NCAPG: variants seen among roughly 807,000 people sequenced by gnomAD.
The protein encoded by NCAPG is condensin complex subunit 3.
Under a neutral mutation model 113.1 loss-of-function variants are expected in NCAPG, and 69 were observed. That is an observed-to-expected ratio of 0.61 (90% CI 0.50 to 0.75). The LOEUF (loss-of-function observed/expected upper bound fraction) is 0.75, where lower values mean the gene tolerates loss of function less well. Among genes scored for constraint, NCAPG ranks in the 30% least tolerant of loss-of-function variants. NCAPG has a pLI of 0.00. For synonymous variants in NCAPG, 370 were observed against 415.8 expected (o/e 0.89, Z 1.34); for missense variants, 1,058 against 1,177.0 (o/e 0.90, Z 1.48).
At chr4:17,836,663 T>C (rs1722109768) in intron 14 of NCAPG, among the ~76,000 whole-genome samples, 1 of 152,156 alleles carries the variant, frequency 6.6e-6, no homozygotes, top group Non-Finnish European at 1.5e-5. Flanking sequence ...AGTTGTCTTT[T>C]CCTTTGTCTT....
chr4:17,837,784 A>C lies in NCAPG; in HGVS notation c.2449A>C (p.Thr817Pro). 6.2e-7 allele frequency: 1 copy of C among 1,613,864 alleles called. No homozygotes were observed. Among genetic ancestry groups the C allele is most frequent in the African/African-American group, 1.3e-5 (1 of 75,038 alleles). The change falls in exon 16 of 21, where the codon ACT becomes CCT. Residue 817 changes from threonine (T) to proline (P), a missense_variant. Transcript: ENST00000251496. ...AAGTGGATTAAATCCTCAGGCCAAG[A>C]CTTCCCAAGATTATCAGGTGAGTGA... ...RPSGLNPQAKTSQDYQALTVH... is the reference protein window; with the variant it reads ...RPSGLNPQAKPSQDYQALTVH...
chr4:17,815,653 C>T (rs1482214977), intron 5 of NCAPG, among the ~76,000 whole-genome samples: 4 of 152,064 alleles, frequency 2.6e-5, no homozygotes, highest in Non-Finnish European at 4.4e-5. Flanking sequence ...GCCTCCTGAG[C>T]AGCTGGGATT....
chr4:17,817,116 A>AAT (rs530778761), intron 5 of NCAPG, 145 bp from the exon 6 acceptor site: 13,093 of 573,016 alleles, frequency 0.023, 183 homozygotes, highest in African/African-American at 0.029. Context: ...TGTCTCAAAA[A>AAT]ATATATATAT....
chr4:17,815,155 A>G (rs1721151110), intron 4 of NCAPG, 119 bp from the exon 5 acceptor site: 3 of 1,231,720 alleles, frequency 2.4e-6, no homozygotes, highest in East Asian at 2.4e-5. Flanking sequence ...TGTATTAAGT[A>G]TGTTACCAGG....
Position 17,844,449 on chromosome 4 carries a change from T to C in NCAPG, c.*1024T>C, listed in dbSNP as rs748601810. 6.6e-6 allele frequency: 1 copy of C among 152,434 alleles called. No individual in the cohort carries two copies. The highest frequency in any genetic ancestry group is 1.5e-5 in the Non-Finnish European group (1 of 67,870). The allele number at this position is 152,434 out of a possible 1,614,324, so 9.4% of individuals were successfully genotyped here. On this transcript the variant is annotated 3_prime_UTR_variant, in exon 21 of 21. Transcript: ENST00000251496. ...TTAAGGTGAAATTTTAAGATGGAGC[T>C]AAAGTAAGATCACTGGTTTTTAGAA...
intron 10 of NCAPG, 126 bp downstream of exon 10, chr4:17,825,183 A>C: frequency 1.2e-6 from 1 of 808,234 alleles, no homozygotes; most frequent in Non-Finnish European, 1.9e-6. Flanking sequence ...TTGTTAAACT[A>C]TAAGAATATT....
intron 17 of NCAPG, 63 bp downstream of exon 17, chr4:17,839,900 A>G (rs1722275011): frequency 1.3e-6 from 2 of 1,495,098 alleles, no homozygotes; most frequent in Non-Finnish European, 1.8e-6. Flanking sequence ...TAGAATTTAC[A>G]TGGTTGTATT....
chr4:17,836,334 A>G (rs916419826), intron 14 of NCAPG, among the ~76,000 whole-genome samples: 8 of 152,108 alleles, frequency 5.3e-5, no homozygotes, highest in African/African-American at 1.7e-4. Flanking sequence ...AGTTCTTTAT[A>G]TAGTTTGGGT....
chr4:17,814,456 A>T (rs1308089817), intron 3 of NCAPG, among the ~76,000 whole-genome samples: 1 of 152,180 alleles, frequency 6.6e-6, no homozygotes, highest in Non-Finnish European at 1.5e-5. Context: ...AAAATATGTG[A>T]GACTAAAAAA....
chr4:17,841,892 AGTT>A (rs2109072204), intron 19 of NCAPG: 1 of 155,460 alleles, frequency 6.4e-6, no homozygotes, highest in African/African-American at 2.4e-5. Flanking sequence ...GAAAAAAAAA[AGTT>A]GTTTCTTTAG....
intron 13 of NCAPG, among the ~76,000 whole-genome samples, chr4:17,831,491 A>T (rs1281402583): frequency 6.6e-6 from 1 of 152,194 alleles, no homozygotes; most frequent in Non-Finnish European, 1.5e-5. Context: ...AAATAAGTAT[A>T]CAATGTATCA....
intron 12 of NCAPG, among the ~76,000 whole-genome samples, chr4:17,830,346 T>A (rs551935905): frequency 8.6e-5 from 13 of 151,778 alleles, no homozygotes; most frequent in Non-Finnish European, 1.6e-4. Context: ...TGAGCCGAGA[T>A]TGCGCCACTG....
chr4:17,818,519 A>G (rs746335103), intron 7 of NCAPG, among the ~76,000 whole-genome samples: 1 of 152,192 alleles, frequency 6.6e-6, no homozygotes, highest in Non-Finnish European at 1.5e-5. Flanking sequence ...TAAAACTTTT[A>G]TTGACTTTTA....
In NCAPG at chr4:17,811,229, C is replaced by G; in HGVS notation, c.111+41C>G. On this transcript the variant is annotated intron_variant, in intron 1 of 20. Coordinates refer to ENST00000251496, the MANE Select transcript of NCAPG (RefSeq NM_022346.5). This position sits in a 1 kb window ranked among gnomAD's most constrained non-coding sequence, Gnocchi z 5.3. ...CCCGGCCGCCGCCTCTCGCCCGCCC[C>G]GGCCCACCCTCCCTCAGGGGCCCTC... The G allele has an allele frequency of 7.6e-7, 1 of 1,312,240 alleles. No homozygotes were observed. The highest frequency in any genetic ancestry group is 1.5e-5 in the South Asian group (1 of 65,774). 81.3% of individuals were successfully genotyped at this position (1,312,240 alleles called of 1,614,324 possible). A position where few individuals can be genotyped will look rare whatever the true frequency, so the allele number is the denominator to read the frequency against.
intron 7 of NCAPG, among the ~76,000 whole-genome samples, chr4:17,818,630 T>C (rs1467936808): frequency 1.3e-5 from 2 of 152,262 alleles, no homozygotes; most frequent in African/African-American, 2.4e-5. Flanking sequence ...GCTTGCAAGC[T>C]ATATAACAGG....
At chr4:17,820,326 G>A (rs1721402408) in intron 7 of NCAPG, among the ~76,000 whole-genome samples, 1 of 152,104 alleles carries the variant, frequency 6.6e-6, no homozygotes, top group Non-Finnish European at 1.5e-5. Flanking sequence ...TTTCGGCTGG[G>A]TGCGGTGGCT....
chr4:17,812,306 A>G lies in NCAPG; in HGVS notation c.197A>G (p.Glu66Gly). 6.2e-7 allele frequency: 1 copy of G among 1,613,746 alleles called. No homozygotes were observed. The highest frequency in any genetic ancestry group is 8.5e-7 in the Non-Finnish European group (1 of 1,179,788). The change falls in exon 2 of 21, where the codon GAG becomes GGG. Residue 66 changes from glutamate (E) to glycine (G), a missense_variant. Transcript: ENST00000251496. ...GTCTATAAACGTGAACCAGCTGTGG[A>G]GAGGGTAATAGAATTTGCAGCAAAG... ...MVVYKREPAV[E>G]RVIEFAAKFV...
chr4:17,834,926 G>A (rs1722033777), intron 14 of NCAPG, among the ~76,000 whole-genome samples: 1 of 152,156 alleles, frequency 6.6e-6, no homozygotes, highest in Non-Finnish European at 1.5e-5. Flanking sequence ...GCAAAGAAAT[G>A]AAGTATAAAC....
intron 11 of NCAPG, 145 bp downstream of exon 11, chr4:17,825,706 T>A (rs1432620973): frequency 3.0e-6 from 2 of 658,356 alleles, no homozygotes; most frequent in African/African-American, 1.9e-5. Context: ...AAAAAAGTTT[T>A]TCCCTGTTTC....
Sources: allele counts gnomAD v4.1 joint callset (sites outside exome capture counted in the v4.1 genomes callset), GRCh38; gene constraint gnomAD v4.1.1; non-coding constraint Gnocchi (gnomAD v3.1); transcripts MANE v1.5; gene names NCBI Gene and HGNC (gene_info 2026-07-23, HGNC 2026-07-21).